Variants in GGCX observed in about 807,000 individuals in gnomAD.
GGCX encodes vitamin K-dependent gamma-carboxylase.
GGCX carries 63 observed loss-of-function variants against 88.5 expected under a neutral mutation model. The observed-to-expected ratio is 0.71, with a 90% CI of 0.58 to 0.88. The LOEUF (loss-of-function observed/expected upper bound fraction) is 0.88. Ranked by LOEUF, GGCX falls within the 40% of genes least tolerant of loss-of-function variation. GGCX has a pLI of 0.00. For missense variants in GGCX, 805 were observed against 932.9 expected (o/e 0.86, Z 1.79); for synonymous variants, 368 against 365.8 (o/e 1.01, Z -0.07).
intron 8 of GGCX, 70 bp downstream of exon 8, chr2:85,553,162 T>C (rs1418460226): frequency 6.2e-7 from 1 of 1,612,486 alleles, no homozygotes; most frequent in Non-Finnish European, 8.5e-7. Flanking sequence ...AGCCCCATTC[T>C]TTCCCAACTA....
chr2:85,558,841 CTT>C, intron 3 of GGCX, 74 bp downstream of exon 3: 1 of 1,388,996 alleles, frequency 7.2e-7, no homozygotes, highest in Non-Finnish European at 1.0e-6. Flanking sequence ...GTGCCAAAGA[CTT>C]TGACCATTCA....
Position 85,559,030 on chromosome 2 carries a change from G to T in GGCX, c.260C>A (p.Ser87Tyr), listed in dbSNP as rs1309849861. Residue 87 changes from serine (S) to tyrosine (Y), a missense_variant, in exon 3 of 15, where the codon TCT becomes TAT. Coordinates refer to ENST00000233838, the MANE Select transcript of GGCX (RefSeq NM_000821.7). ...LDIPQERGLS[S>Y]LDRKYLDGLD... ...CCCATCAAGGTATTTCCGGTCCAGA[G>T]AGCTGAGCCCCCGCTCCTGGGGAAT... 1.9e-6 allele frequency: 3 copies of T among 1,613,946 alleles called. No homozygotes were observed. Among genetic ancestry groups the T allele is most frequent in the Non-Finnish European group, 2.5e-6 (3 of 1,179,916 alleles).
chr2:85,553,231 C>A lies in GGCX; in HGVS notation c.1155+1G>T, dbSNP rs1692048113. Reference sequence around the variant, plus strand: ...CTGTACACTCCACAGCCCCTACAAACCTGGGTGAGAAAATGAGAATAGGGC... The same window carrying A: ...CTGTACACTCCACAGCCCCTACAAAACTGGGTGAGAAAATGAGAATAGGGC... On this transcript the variant is annotated splice_donor_variant, in intron 8 of 14. Coordinates refer to ENST00000233838, the MANE Select transcript of GGCX (RefSeq NM_000821.7). LOFTEE classifies it high-confidence loss of function. 1 of 1,614,228 alleles carries A rather than the reference C, an allele frequency of 6.2e-7. No homozygotes were observed. Among genetic ancestry groups the A allele is most frequent in the Non-Finnish European group, 8.5e-7 (1 of 1,180,030 alleles).
Position 85,550,732 on chromosome 2 carries a change from G to T in GGCX, c.1907C>A (p.Pro636Gln). ...CCCTTCCAACAGAGGCTGCAGCTCT[G>T]GGGGTAGAGGCCCTGTTTCTGCCCG... ...ENGSETGPLP[P>Q]ELQPLLEGEV... Residue 636 changes from proline to glutamine, a missense_variant, in exon 14 of 15, where the codon CCA becomes CAA. Physicochemically the swap from Pro to Gln is moderately conservative, Grantham distance 76. Transcript: ENST00000233838. The T allele has an allele frequency of 6.2e-7, 1 of 1,613,930 alleles. No individual in the cohort carries two copies. The highest frequency in any genetic ancestry group is 8.5e-7 in the Non-Finnish European group (1 of 1,179,964).
At chr2:85,561,247 T>C (rs1283646366) in intron 1 of GGCX, 139 bp downstream of exon 1, 2 of 651,400 alleles carry the variant, frequency 3.1e-6, no homozygotes, top group Non-Finnish European at 5.4e-6. Flanking sequence ...AGGCTGCAAA[T>C]GTCTCACAGC....
chr2:85,554,543 G>C (rs974232037), intron 6 of GGCX: 5 of 549,564 alleles, frequency 9.1e-6, no homozygotes, highest in Non-Finnish European at 1.7e-5. Flanking sequence ...ATGGTGCACT[G>C]TAGCCTCAAA....
intron 4 of GGCX, among the ~76,000 whole-genome samples, chr2:85,556,839 G>A (rs949476997): frequency 2.0e-5 from 3 of 152,186 alleles, no homozygotes; most frequent in Admixed American, 2.0e-4. Flanking sequence ...GCTGGGAAAG[G>A]GGCAGCTTAC....
chr2:85,551,013 C>T lies in GGCX; in HGVS notation c.1800G>A (p.Met600Ile). The T allele has an allele frequency of 6.2e-7, 1 of 1,613,520 alleles. No individual in the cohort carries two copies. ...GCTCTGTAGTGTTGACATAGACGTA[C>T]ATGTAGCAAGAAGGGCTAGGTGATG... ...YTTSPSPSCYMYVYVNTTELA... is the reference protein window; with the variant it reads ...YTTSPSPSCYIYVYVNTTELA... Residue 600 changes from methionine (M) to isoleucine (I), a missense_variant, in exon 13 of 15, where the codon ATG becomes ATA. Around this residue, in one of 3 missense-constraint regions of GGCX, gnomAD observed 680 missense variants for 763.7 expected, o/e 0.89. Coordinates refer to ENST00000233838, the MANE Select transcript of GGCX (RefSeq NM_000821.7).
rs764858044 is a variant in GGCX, at chr2:85,558,553, G to T, written c.426C>A (p.Phe142Leu). The T allele has an allele frequency of 6.2e-7, 1 of 1,613,088 alleles. No homozygotes were observed. Among genetic ancestry groups the T allele is most frequent in the South Asian group, 1.1e-5 (1 of 91,054 alleles). The change falls in exon 4 of 15, where the codon TTC (phenylalanine) becomes TTA (leucine). Residue 142 changes from phenylalanine (F) to leucine (L), a missense_variant. By Grantham distance (22) the Phe-to-Leu change is conservative (BLOSUM62 0). Around this residue, in one of 3 missense-constraint regions of GGCX, gnomAD observed 680 missense variants for 763.7 expected, o/e 0.89. Transcript: ENST00000233838. ...GLCYRISCVLFLLPYWYVFLL... is the reference protein window; with the variant it reads ...GLCYRISCVLLLLPYWYVFLL... The stretch of plus-strand genomic sequence containing the variant: ...GAAACACATACCAGTATGGCAGCAG[G>T]AATAACACACAGCTTATCCGGTAGC...
In GGCX at chr2:85,553,207, T is replaced by C. The variant is rs745749036; in HGVS notation, c.1155+25A>G. 4 of 1,614,004 alleles carry C rather than the reference T, an allele frequency of 2.5e-6. No homozygotes were observed. In the East Asian group the frequency reaches 8.9e-5, roughly 36 times the overall value. ...GTTCCTTTCTAAGTCCAGCCTTTGC[T>C]GTACACTCCACAGCCCCTACAAACC... On this transcript the variant is annotated intron_variant, in intron 8 of 14. Coordinates refer to ENST00000233838, the MANE Select transcript of GGCX (RefSeq NM_000821.7).
At position 85,551,945 on chromosome 2, in the gene GGCX, A is replaced by G. The variant is rs780459017; in HGVS notation, c.1476T>C (p.Ala492=). Residue 492 remains alanine, a synonymous_variant, in exon 11 of 15, where the codon GCT becomes GCC. Transcript: ENST00000233838. The part of the protein sequence containing the change: ...FDPRVDIVQA[A]WSPFQRTSWV... ...AGGATGTGCGCTGAAAGGGTGACCA[A>G]GCGGCCTGCACGATGTCCACACGAG... The G allele has an allele frequency of 9.3e-6, 15 of 1,614,056 alleles. No homozygotes were observed. The highest frequency in any genetic ancestry group is 1.2e-5 in the Non-Finnish European group (14 of 1,179,942).
Position 85,558,932 on chromosome 2 carries a change from T to C in GGCX, c.358A>G (p.Thr120Ala), listed in dbSNP as rs577926939. 50 of 1,613,770 alleles carry C rather than the reference T, an allele frequency of 3.1e-5. No individual in the cohort carries two copies. The South Asian group carries it at 4.9e-4, about 16-fold the overall frequency. ...LPLDWMYLVY[T>A]IMFLGALGMM... is the part of the protein sequence containing the mutation. ...TTCCCCTCACCCAGAAACATGATGG[T>C]GTAGACAAGATACATCCAGTCAAGT... The change falls in exon 3 of 15, where the codon ACC (threonine) becomes GCC (alanine). Residue 120 changes from threonine (T) to alanine (A), a missense_variant. Thr to Ala is a moderately conservative substitution (Grantham distance 58). Coordinates refer to ENST00000233838, the MANE Select transcript of GGCX (RefSeq NM_000821.7).
chr2:85,550,852 G>A, intron 13 of GGCX, 73 bp downstream of exon 13: 1 of 1,582,002 alleles, frequency 6.3e-7, no homozygotes, highest in South Asian at 1.1e-5. Context: ...ATTCTTGAAT[G>A]GCTAGAACAT....
chr2:85,553,801 A>G, intron 7 of GGCX: 2 of 464,678 alleles, frequency 4.3e-6, no homozygotes, highest in African/African-American at 2.0e-5. Flanking sequence ...GGGTTTCACC[A>G]TGTTGGTCAG....
intron 6 of GGCX, 32 bp downstream of exon 6, chr2:85,555,452 T>C: frequency 9.2e-7 from 1 of 1,088,518 alleles, no homozygotes; most frequent in Non-Finnish European, 1.4e-6. Flanking sequence ...TACCCATGCC[T>C]CAAAGAGGCC....
At chr2:85,557,922 C>T (rs1692272755) in intron 4 of GGCX, among the ~76,000 whole-genome samples, 1 of 152,116 alleles carries the variant, frequency 6.6e-6, no homozygotes, top group Non-Finnish European at 1.5e-5. Context: ...ATCCCTTCTC[C>T]ACCTCCCCTT....
chr2:85,550,794 C>T (rs1197532586), intron 13 of GGCX, 44 bp from the exon 14 acceptor site: 5 of 1,594,086 alleles, frequency 3.1e-6, no homozygotes, highest in East Asian at 2.2e-5. Flanking sequence ...AGATGGATCA[C>T]TCTCTCCCCT....
chr2:85,558,375 GC>G, intron 4 of GGCX, 64 bp downstream of exon 4: 10 of 1,301,042 alleles, frequency 7.7e-6, no homozygotes, highest in Non-Finnish European at 1.0e-5. Flanking sequence ...ACCTCACTGG[GC>G]CCCTATCTCT....
chr2:85,560,149 C>T (rs1253383800), intron 2 of GGCX, among the ~76,000 whole-genome samples: 4 of 152,148 alleles, frequency 2.6e-5, no homozygotes, highest in East Asian at 1.9e-4. Context: ...CACCATGCTG[C>T]GGCCTCAGTT....
Sources: gnomAD v4.1 joint callset for allele counts (sites outside exome capture counted in the v4.1 genomes callset) on GRCh38, gnomAD v4.1.1 for gene constraint, gnomAD v4.1.1 regional missense constraint, MANE v1.5 for transcripts, NCBI Gene and HGNC (gene_info 2026-07-23, HGNC 2026-07-21) for gene names.